MICU3: variants seen among roughly 807,000 people sequenced by gnomAD.
The protein encoded by MICU3 is calcium uptake protein 3, mitochondrial.
In MICU3, 62 loss-of-function variants were observed where a neutral mutation model predicts 66.5. That is an observed-to-expected ratio of 0.93 (90% confidence interval 0.76 to 1.15). The LOEUF (loss-of-function observed/expected upper bound fraction) is 1.15, where lower values mean the gene tolerates loss of function less well. Among genes scored for constraint, MICU3 ranks in the 50% most tolerant of loss-of-function variants. MICU3 has a pLI of 0.00. For missense variants in MICU3, 779 were observed against 664.4 expected, an observed-to-expected ratio of 1.17 and a Z score of -1.90; for synonymous variants, 308 against 240.7, an observed-to-expected ratio of 1.28 and a Z score of -2.59.
chr8:17,049,058 C>T (rs146515008), intron 1 of MICU3, among the ~76,000 whole-genome samples: 32 of 152,246 alleles, frequency 2.1e-4, no homozygotes, highest in East Asian at 1.7e-3. Flanking sequence ...GAACGTCAGC[C>T]GTTTTCTCTT....
At chr8:17,039,677 C>T (rs1347906884) in intron 1 of MICU3, among the ~76,000 whole-genome samples, 1 of 151,880 alleles carries the variant, frequency 6.6e-6, no homozygotes, top group East Asian at 1.9e-4. Flanking sequence ...TGTAGCTGTC[C>T]TCTTACAGAT....
chr8:17,035,875 C>T (rs1268469261), intron 1 of MICU3, among the ~76,000 whole-genome samples: 1 of 152,136 alleles, frequency 6.6e-6, no homozygotes, highest in Non-Finnish European at 1.5e-5. Context: ...TGTTAGTCAC[C>T]AAGACAGTGG....
intron 7 of MICU3, among the ~76,000 whole-genome samples, chr8:17,089,253 A>G (rs190712763): frequency 1.3e-5 from 2 of 152,126 alleles, no homozygotes; most frequent in East Asian, 3.9e-4. Context: ...CAACTTTGGA[A>G]CTAACAGCAC....
At chr8:17,118,969 A>C (rs762688592) in intron 14 of MICU3, among the ~76,000 whole-genome samples, 194 bp downstream of exon 14, 37 of 152,198 alleles carry the variant, frequency 2.4e-4, no homozygotes, top group Non-Finnish European at 3.8e-4. Flanking sequence ...CAGACAATGT[A>C]ATAAATCAAA....
In MICU3 at chr8:17,027,550, G is replaced by A. The variant is rs555567883; in HGVS notation, c.271G>A (p.Ala91Thr). 794 of 1,280,626 alleles carry A rather than the reference G, an allele frequency of 6.2e-4. 1 individual carries two copies. The African/African-American group carries it at 0.011, about 18-fold the overall frequency. The allele number at this position is 1,280,626 out of a possible 1,614,324, so 79.3% of individuals were successfully genotyped here. A position where few individuals can be genotyped will look rare whatever the true frequency, so the allele number is the denominator to read the frequency against. The change falls in exon 1 of 15, where the codon GCC becomes ACC. Residue 91 changes from alanine to threonine, a missense_variant. By Grantham distance (58) the Ala-to-Thr change is moderately conservative. Transcript: ENST00000318063. ...CTACCAGCTGTACGGGGACCCCAGG[G>A]CCGGCTCGCCGGCGACCGGGCGACC... ...VCYQLYGDPR[A>T]GSPATGRPSK...
chr8:17,134,652 G>T, the MICU3 span, among the ~76,000 whole-genome samples: 1 of 152,104 alleles, frequency 6.6e-6, no homozygotes, highest in Non-Finnish European at 1.5e-5. Flanking sequence ...CACCATGTTA[G>T]CCAGGATGGT....
intron 5 of MICU3, among the ~76,000 whole-genome samples, chr8:17,084,928 A>C (rs1039004224): frequency 3.3e-5 from 5 of 152,056 alleles, no homozygotes; most frequent in Non-Finnish European, 5.9e-5. Flanking sequence ...TATATTTAAA[A>C]TGTGACGAGT....
intron 1 of MICU3, chr8:17,049,529 A>T: frequency 4.0e-6 from 2 of 503,354 alleles, no homozygotes; most frequent in South Asian, 2.9e-5. Context: ...TGTCCATTTT[A>T]TAGTTGAAAA....
chr8:17,096,542 C>A (rs1251569430), intron 8 of MICU3, among the ~76,000 whole-genome samples: 1 of 151,748 alleles, frequency 6.6e-6, no homozygotes, highest in Non-Finnish European at 1.5e-5. Context: ...TTTTTTCCTG[C>A]AGCAGTAGTT....
At chr8:17,084,777 C>A (rs998123325) in intron 5 of MICU3, among the ~76,000 whole-genome samples, 1 of 152,016 alleles carries the variant, frequency 6.6e-6, no homozygotes, top group African/African-American at 2.4e-5. Context: ...GTTTTTGAAG[C>A]CTCTAGAAGT....
intron 1 of MICU3, among the ~76,000 whole-genome samples, chr8:17,031,262 T>TTTTTTTTA (rs111800861): frequency 1.4e-5 from 2 of 139,194 alleles, no homozygotes; most frequent in African/African-American, 5.4e-5. Context: ...TGCCACTTCA[T>TTTTTTTTA]TTATTATTAT....
At chr8:17,070,051 G>A (rs909596910) in intron 3 of MICU3, among the ~76,000 whole-genome samples, 3 of 151,880 alleles carry the variant, frequency 2.0e-5, no homozygotes, top group Non-Finnish European at 4.4e-5. Flanking sequence ...TTTAAATTCT[G>A]CAGTAGTGCA....
At chr8:17,115,197 A>G (rs1392910430) in intron 12 of MICU3, among the ~76,000 whole-genome samples, 1 of 151,866 alleles carries the variant, frequency 6.6e-6, no homozygotes, top group Non-Finnish European at 1.5e-5. Context: ...CTAAGTGCTG[A>G]TGATAATTTC....
the MICU3 span, chr8:17,133,198 T>C: frequency 1.3e-5 from 2 of 152,196 alleles, no homozygotes; most frequent in Non-Finnish European, 2.9e-5. Context: ...CCTGAACCCA[T>C]GTATTCTGGT....
chr8:17,042,091 A>T (rs962496790), intron 1 of MICU3, among the ~76,000 whole-genome samples: 6 of 152,204 alleles, frequency 3.9e-5, no homozygotes, highest in African/African-American at 1.4e-4. Flanking sequence ...CAGTTTTTTC[A>T]TGGTCACAAC....
intron 7 of MICU3, 131 bp from the exon 8 acceptor site, chr8:17,090,415 A>C: frequency 4.3e-6 from 3 of 696,676 alleles, no homozygotes; most frequent in East Asian, 5.3e-5. Context: ...CGTGTGCTCT[A>C]TATAAAATGT....
At chr8:17,039,089 T>C (rs939306126) in intron 1 of MICU3, among the ~76,000 whole-genome samples, 4 of 152,154 alleles carry the variant, frequency 2.6e-5, no homozygotes, top group African/African-American at 9.7e-5. Context: ...CATCAAAAAA[T>C]TTTGATTTGC....
intron 1 of MICU3, among the ~76,000 whole-genome samples, chr8:17,039,807 T>C (rs1813711781): frequency 6.6e-6 from 1 of 151,864 alleles, no homozygotes; most frequent in Non-Finnish European, 1.5e-5. Context: ...TAATTTTATA[T>C]ATTTATGGCT....
intron 1 of MICU3, among the ~76,000 whole-genome samples, chr8:17,060,939 A>G (rs1036092817): frequency 6.6e-6 from 1 of 152,122 alleles, no homozygotes; most frequent in African/African-American, 2.4e-5. Flanking sequence ...TTGCTAAGCC[A>G]ACAGGAGTGG....
Sources: gnomAD v4.1 joint callset for allele counts (sites outside exome capture counted in the v4.1 genomes callset) on GRCh38, gnomAD v4.1.1 for gene constraint, MANE v1.5 for transcripts, NCBI Gene and HGNC (gene_info 2026-07-23, HGNC 2026-07-21) for gene names.